The following FGF14 variants were observed in gnomAD, a reference collection of about 807,000 sequenced individuals.
The protein encoded by FGF14 is fibroblast growth factor homologous factor 4.
FGF14 carries 5 observed loss-of-function variants against 25.5 expected under a neutral mutation model. The ratio of observed to expected loss-of-function variants is 0.20; its 90% CI spans 0.10 to 0.41. The LOEUF (loss-of-function observed/expected upper bound fraction) is 0.41, where lower values mean the gene tolerates loss of function less well. Ranked by LOEUF, FGF14 falls within the 10% of genes least tolerant of loss-of-function variation. FGF14 has a pLI of 1.00. For synonymous variants in FGF14, 138 were observed against 118.3 expected, an observed-to-expected ratio of 1.17 and a Z score of -1.08; for missense variants, 222 against 320.1, an observed-to-expected ratio of 0.69 and a Z score of 2.34.
At chr13:102,200,495 T>C (rs1411392852) in intron 1 of FGF14, among the ~76,000 whole-genome samples, 1 of 152,178 alleles carries the variant, frequency 6.6e-6, no homozygotes, top group Non-Finnish European at 1.5e-5. Flanking sequence ...TGAGTAAGAA[T>C]ATTCCCAAGA....
At chr13:101,786,946 G>A (rs1351509265) in intron 3 of FGF14, among the ~76,000 whole-genome samples, 1 of 152,052 alleles carries the variant, frequency 6.6e-6, no homozygotes, top group Admixed American at 6.6e-5. Context: ...AAGCCAGGGA[G>A]GTCAACACTG....
chr13:102,066,983 T>C (rs1269897069), intron 1 of FGF14, among the ~76,000 whole-genome samples: 1 of 152,196 alleles, frequency 6.6e-6, no homozygotes, highest in East Asian at 1.9e-4. Flanking sequence ...CTTTCCACAG[T>C]CAGGCCTTAG....
At chr13:101,971,803 C>T (rs959011725) in intron 1 of FGF14, among the ~76,000 whole-genome samples, 7 of 152,320 alleles carry the variant, frequency 4.6e-5, no homozygotes, top group African/African-American at 9.6e-5. Flanking sequence ...CAGTAAAACA[C>T]GAAAGTTATT....
chr13:102,331,633 C>T (rs762371897), intron 1 of FGF14, among the ~76,000 whole-genome samples: 12 of 152,092 alleles, frequency 7.9e-5, no homozygotes, highest in Non-Finnish European at 1.6e-4. Flanking sequence ...ATTTCTCATG[C>T]CATCTTTAAG....
intron 1 of FGF14, among the ~76,000 whole-genome samples, chr13:102,333,527 C>T (rs879906217): frequency 1.2e-4 from 18 of 152,076 alleles, no homozygotes; most frequent in African/African-American, 2.7e-4. Context: ...ATGGATGTTA[C>T]GCAAGAAGAG....
At chr13:102,393,633 T>C (rs1299056274) in intron 1 of FGF14, 6 of 152,216 alleles carry the variant, frequency 3.9e-5, no homozygotes, top group African/African-American at 1.2e-4. Context: ...CTGGGGAATA[T>C]AATGGATAAA....
intron 1 of FGF14, among the ~76,000 whole-genome samples, chr13:102,133,688 C>T (rs888657609): frequency 6.6e-5 from 10 of 152,198 alleles, no homozygotes; most frequent in Non-Finnish European, 1.5e-4. Context: ...TTGGCTTACA[C>T]GAGGTGGATT....
intron 3 of FGF14, among the ~76,000 whole-genome samples, chr13:101,789,151 C>A (rs970987589): frequency 1.3e-5 from 2 of 151,754 alleles, no homozygotes; most frequent in African/African-American, 4.8e-5. Context: ...TGTACTTGAA[C>A]ATGTGTAAGA....
intron 1 of FGF14, among the ~76,000 whole-genome samples, chr13:101,925,762 G>A (rs1408000071): frequency 1.3e-5 from 2 of 152,156 alleles, no homozygotes; most frequent in African/African-American, 2.4e-5. Context: ...CATAAACTTA[G>A]TTGCTTTTAA....
chr13:101,723,052 T>C, intron 4 of FGF14, 85 bp from the exon 5 acceptor site: 1 of 1,523,398 alleles, frequency 6.6e-7, no homozygotes, highest in Non-Finnish European at 9.1e-7. Context: ...CATAGACCAC[T>C]GCAGTTTGCC....
intron 1 of FGF14, among the ~76,000 whole-genome samples, chr13:101,934,496 T>A (rs866956462): frequency 4.6e-5 from 7 of 152,214 alleles, no homozygotes; most frequent in African/African-American, 1.7e-4. Flanking sequence ...CTGGAAATAT[T>A]ATTTGCCTTG....
At chr13:102,143,714 T>C (rs536284590) in intron 1 of FGF14, among the ~76,000 whole-genome samples, 20 of 152,288 alleles carry the variant, frequency 1.3e-4, no homozygotes, top group Admixed American at 5.2e-4. Context: ...ACTTCAAAAT[T>C]AATTTAACCC....
intron 1 of FGF14, among the ~76,000 whole-genome samples, chr13:101,927,866 A>G (rs937644433): frequency 6.6e-6 from 1 of 152,132 alleles, no homozygotes. Context: ...GTGCTCAGTC[A>G]GTGTTTGTCA....
intron 1 of FGF14, chr13:102,292,778 G>A (rs1286365054): frequency 2.0e-5 from 3 of 152,194 alleles, no homozygotes; most frequent in African/African-American, 7.2e-5. Context: ...TAGACACAAT[G>A]AATGACAATG....
intron 3 of FGF14, among the ~76,000 whole-genome samples, chr13:101,766,270 G>T (rs1285974104): frequency 1.3e-5 from 2 of 152,136 alleles, no homozygotes; most frequent in Non-Finnish European, 2.9e-5. Flanking sequence ...GTTTCCTCAT[G>T]ATGTCCATGG....
intron 1 of FGF14, among the ~76,000 whole-genome samples, chr13:102,095,406 G>C (rs2140262200): frequency 6.6e-6 from 1 of 152,210 alleles, no homozygotes; most frequent in South Asian, 2.1e-4. Flanking sequence ...TTACGACATA[G>C]GCCCCTCTAT....
chr13:102,268,491 T>C (rs1566882094), intron 1 of FGF14, among the ~76,000 whole-genome samples: 3 of 152,094 alleles, frequency 2.0e-5, no homozygotes, highest in African/African-American at 7.2e-5. Flanking sequence ...ATACATTATA[T>C]ACATATATAA....
intron 1 of FGF14, among the ~76,000 whole-genome samples, chr13:101,968,721 C>G (rs2037395596): frequency 1.3e-5 from 2 of 148,474 alleles, no homozygotes; most frequent in Non-Finnish European, 3.0e-5. Context: ...GTATTTTATA[C>G]TTAAGAATAC....
chr13:102,163,851 C>G (rs947871213), intron 1 of FGF14, among the ~76,000 whole-genome samples: 1 of 152,074 alleles, frequency 6.6e-6, no homozygotes, highest in African/African-American at 2.4e-5. Flanking sequence ...AGAAAACATT[C>G]TGGAGGCCAC....
Sources: allele counts gnomAD v4.1 joint callset (sites outside exome capture counted in the v4.1 genomes callset), GRCh38; gene constraint gnomAD v4.1.1; transcripts MANE v1.5; gene names NCBI Gene and HGNC (gene_info 2026-07-23, HGNC 2026-07-21).